The following WTAP variants were observed in gnomAD, a reference collection of about 807,000 sequenced individuals.
WTAP encodes WT1 associated protein.
A neutral mutation model predicts 50.0 loss-of-function variants in WTAP; 8 were observed. That is an observed-to-expected ratio of 0.16 (90% CI 0.09 to 0.29). WTAP has a LOEUF of 0.29. Ranked by LOEUF, WTAP falls within the 10% of genes least tolerant of loss-of-function variation. WTAP has a pLI of 1.00. For synonymous variants in WTAP, 194 were observed against 169.0 expected (o/e 1.15, Z -1.15); for missense variants, 295 against 470.7 (o/e 0.63, Z 3.45).
intron 2 of WTAP, among the ~76,000 whole-genome samples, chr6:159,738,669 T>G (rs1407267496): frequency 6.6e-6 from 1 of 152,200 alleles, no homozygotes; most frequent in Non-Finnish European, 1.5e-5. Flanking sequence ...TATTCTCACC[T>G]GCAGTGTAGG....
chr6:159,727,376 G>GCAGGAGGCGGGAGGCGGGAGA (rs749863358), upstream of WTAP: 1 of 1,105,694 alleles, frequency 9.0e-7, no homozygotes, highest in Non-Finnish European at 1.2e-6. Context: ...GGGGAGGCTG[G>GCAGGAGGCGGGAGGCGGGAGA]CGGGAGGCGG....
chr6:159,747,014 T>C (rs183017709), intron 5 of WTAP, among the ~76,000 whole-genome samples: 2 of 152,316 alleles, frequency 1.3e-5, no homozygotes, highest in East Asian at 1.9e-4. Context: ...TGGCTTCACA[T>C]TGACTATGCA....
At chr6:159,753,901 A>G (rs182598996) in intron 7 of WTAP, among the ~76,000 whole-genome samples, 1 of 152,326 alleles carries the variant, frequency 6.6e-6, no homozygotes, top group African/African-American at 2.4e-5. Context: ...GTATTACTTA[A>G]CAAGATGGAC....
intron 7 of WTAP, 112 bp from the exon 8 acceptor site, chr6:159,754,916 G>C: frequency 8.8e-7 from 1 of 1,141,150 alleles, no homozygotes; most frequent in African/African-American, 1.6e-5. Flanking sequence ...TTTTAGAATT[G>C]TATTTGTTTA....
Position 159,755,305 on chromosome 6 carries a change from G to C in WTAP, c.885G>C (p.Glu295Asp), listed in dbSNP as rs374008404. Residue 295 changes from glutamate to aspartate, a missense_variant, in exon 8 of 8, where the codon GAG becomes GAC. Glu to Asp is a conservative substitution (Grantham distance 45). This residue lies in a region of WTAP where 175 missense variants were observed against 183.1 expected (regional missense o/e 0.96). Coordinates refer to ENST00000621533, the MANE Select transcript of WTAP (RefSeq NM_001270531.2). ...CGTCTGGGTCTGGATTTCACAGGGAGGGCAACACAACCGAAGATGACTTTC... is the reference window on the plus strand; with the variant it reads ...CGTCTGGGTCTGGATTTCACAGGGACGGCAACACAACCGAAGATGACTTTC... Reference protein sequence around the residue: ...QRTSGSGFHREGNTTEDDFPS... With the variant: ...QRTSGSGFHRDGNTTEDDFPS... 1 of 1,614,242 alleles carries C rather than the reference G, an allele frequency of 6.2e-7. No individual in the cohort carries two copies. Among genetic ancestry groups the C allele is most frequent in the South Asian group, 1.1e-5 (1 of 91,088 alleles).
At chr6:159,729,699 A>G (rs1018296391) in intron 1 of WTAP, among the ~76,000 whole-genome samples, 12 of 152,360 alleles carry the variant, frequency 7.9e-5, no homozygotes, top group African/African-American at 2.9e-4. Flanking sequence ...GGAATCACAC[A>G]TGGCAGATAG....
intron 4 of WTAP, 104 bp downstream of exon 4, chr6:159,742,250 T>G (rs916688727): frequency 2.0e-6 from 2 of 1,014,038 alleles, no homozygotes; most frequent in African/African-American, 3.3e-5. Flanking sequence ...TTTTCTCGTG[T>G]TTTATTATAA....
chr6:159,747,914 A>G (rs572978538), intron 5 of WTAP, among the ~76,000 whole-genome samples: 1 of 152,272 alleles, frequency 6.6e-6, no homozygotes, highest in African/African-American at 2.4e-5. Flanking sequence ...TTAATTGACA[A>G]ATAAGTTTTT....
At chr6:159,726,709 C>G (rs1778184677), upstream of WTAP, 5 of 1,224,932 alleles carry the variant, frequency 4.1e-6, no homozygotes, top group Non-Finnish European at 5.3e-6. Context: ...GCCGCGGACA[C>G]AGCGCAACCT....
Position 159,743,789 on chromosome 6 carries a change from T to C in WTAP, c.270T>C (p.Cys90=), listed in dbSNP as rs1190326356. ...LATKEQEMQE[C]TTQIQYLKQV... ...CCAAGGAACAAGAGATGCAAGAGTG[T>C]ACTGTAAGTATTTCAAGTTATATAA... The change falls in exon 5 of 8, where the codon TGT becomes TGC. Residue 90 remains cysteine (C), a synonymous_variant. Transcript: ENST00000621533. 2.5e-6 allele frequency: 4 copies of C among 1,600,460 alleles called. No individual in the cohort carries two copies. The highest frequency in any genetic ancestry group is 2.2e-5 in the East Asian group (1 of 44,762).
chr6:159,743,540 A>G (rs2114928013), intron 4 of WTAP, 125 bp from the exon 5 acceptor site: 6 of 946,568 alleles, frequency 6.3e-6, no homozygotes, highest in Middle Eastern at 7.4e-4. Flanking sequence ...CGCCTGTTAT[A>G]AAAGTAGTTA....
chr6:159,755,278 G>A lies in WTAP; in HGVS notation c.858G>A (p.Arg286=), dbSNP rs1214637327. 6.2e-7 allele frequency: 1 copy of A among 1,614,200 alleles called. No individual in the cohort carries two copies. Among genetic ancestry groups the A allele is most frequent in the South Asian group, 1.1e-5 (1 of 91,082 alleles). ...GPSNGSSSRQ[R]TSGSGFHREG... ...GTAATGGTAGCTCCTCCCGCCAGAG[G>A]ACGTCTGGGTCTGGATTTCACAGGG... is the stretch of plus-strand genomic sequence containing the variant. The change falls in exon 8 of 8, where the codon AGG becomes AGA. Residue 286 remains arginine, a synonymous_variant. Coordinates refer to ENST00000621533, the MANE Select transcript of WTAP (RefSeq NM_001270531.2).
upstream of WTAP, chr6:159,727,355 C>T (rs1295634946): frequency 1.0e-6 from 1 of 995,436 alleles, no homozygotes; most frequent in East Asian, 6.9e-5. Context: ...AGAAGGCGAA[C>T]ATGGCGGAGC....
intron 5 of WTAP, among the ~76,000 whole-genome samples, chr6:159,745,907 G>A (rs1305706503): frequency 6.6e-6 from 1 of 152,118 alleles, no homozygotes; most frequent in Non-Finnish European, 1.5e-5. Context: ...TTTGGATGCT[G>A]TTGTGGAAGG....
intron 5 of WTAP, among the ~76,000 whole-genome samples, chr6:159,747,392 G>T (rs1267043601): frequency 1.3e-5 from 2 of 152,092 alleles, no homozygotes; most frequent in African/African-American, 4.8e-5. Context: ...AAACAGTTGG[G>T]TTATTTAATC....
intron 2 of WTAP, chr6:159,736,821 T>G (rs1190550966): frequency 6.5e-6 from 1 of 152,862 alleles, no homozygotes. Flanking sequence ...TAATTACTCT[T>G]ACATACACAC....
chr6:159,734,375 CAAAAA>C (rs67668924), intron 1 of WTAP, among the ~76,000 whole-genome samples: 2 of 130,774 alleles, frequency 1.5e-5, no homozygotes, highest in Non-Finnish European at 3.2e-5. Flanking sequence ...GACTCCATCT[CAAAAA>C]AAAAAAAAAA....
chr6:159,728,398 A>G (rs1376619592), intron 1 of WTAP, among the ~76,000 whole-genome samples: 1 of 151,200 alleles, frequency 6.6e-6, no homozygotes, highest in Non-Finnish European at 1.5e-5. Context: ...GGACTAGCAT[A>G]ACTGTGATTA....
chr6:159,731,596 C>G (rs1008216759), intron 1 of WTAP, among the ~76,000 whole-genome samples: 8 of 152,220 alleles, frequency 5.3e-5, no homozygotes, highest in African/African-American at 1.9e-4. Flanking sequence ...TATCCTCAAC[C>G]TGTGGATTAT....
Sources: allele counts gnomAD v4.1 joint callset (sites outside exome capture counted in the v4.1 genomes callset), GRCh38; gene constraint gnomAD v4.1.1; regional missense constraint gnomAD v4.1.1; transcripts MANE v1.5; gene names NCBI Gene and HGNC (gene_info 2026-07-23, HGNC 2026-07-21).